FGGY: variants seen among roughly 807,000 people sequenced by gnomAD.
FGGY encodes the protein FGGY carbohydrate kinase domain-containing protein.
In FGGY, 72 loss-of-function variants were observed where a neutral mutation model predicts 71.3. The ratio of observed to expected loss-of-function variants is 1.01; its 90% CI spans 0.84 to 1.23. The LOEUF is 1.23. FGGY is among the 50% of genes most tolerant of loss of function. The probability of loss-of-function intolerance (pLI) is 0.00; values close to 1 mark genes in which losing one functional copy is unlikely to be tolerated. For missense variants in FGGY, 668 were observed against 682.3 expected (o/e 0.98, Z 0.23); for synonymous variants, 251 against 250.3 (o/e 1.00, Z -0.02).
chr1:59,751,701 C>CCCAAT (rs1430964471), intron 14 of FGGY, among the ~76,000 whole-genome samples: 1 of 152,166 alleles, frequency 6.6e-6, no homozygotes, highest in Non-Finnish European at 1.5e-5. Context: ...TGATTATTTT[C>CCCAAT]CCAATCCTTG....
At chr1:59,346,461 C>G in intron 4 of FGGY, 63 bp downstream of exon 4, 3 of 1,563,024 alleles carry the variant, frequency 1.9e-6, no homozygotes, top group Non-Finnish European at 2.6e-6. Context: ...TACTGTGGAC[C>G]TGTAGGTACC....
intron 14 of FGGY, among the ~76,000 whole-genome samples, chr1:59,750,287 C>T (rs577958778): frequency 6.6e-6 from 1 of 152,132 alleles, no homozygotes; most frequent in East Asian, 1.9e-4. Context: ...AATTAGAGGA[C>T]TGGGCGTCTA....
chr1:59,641,435 C>A, intron 11 of FGGY: 1 of 1,143,006 alleles, frequency 8.7e-7, no homozygotes, highest in Non-Finnish European at 1.3e-6. Flanking sequence ...CTGTGCTAAA[C>A]CCAGGTAATA....
In FGGY at chr1:59,334,868, GAA is replaced by G. The variant is rs2049171515; in HGVS notation, c.202-5089_202-5088del. On this transcript the variant is annotated intron_variant, in intron 2 of 15. Coordinates refer to ENST00000303721, the MANE Select transcript of FGGY (RefSeq NM_018291.5). ...ACCATAGAAACAAAAATAAAAAATA[GAA>G]TTAATCGATAAATCTATTATTCTAC... Among the ~76,000 whole-genome samples the G allele has an allele frequency of 2.0e-5, 3 of 152,136 alleles. No individual in the cohort carries two copies. In the South Asian group the frequency reaches 6.2e-4, roughly 31 times the overall value.
At chr1:59,620,971 T>C (rs1289586374) in intron 9 of FGGY, among the ~76,000 whole-genome samples, 3 of 152,088 alleles carry the variant, frequency 2.0e-5, no homozygotes, top group Non-Finnish European at 4.4e-5. Context: ...ACAACAGACA[T>C]TTATTTCCTT....
intron 4 of FGGY, among the ~76,000 whole-genome samples, chr1:59,346,808 A>G (rs531073374): frequency 6.6e-5 from 10 of 152,130 alleles, no homozygotes; most frequent in Admixed American, 4.6e-4. Flanking sequence ...TTTTTTTTTA[A>G]TTTTAAAATG....
chr1:59,589,192 A>G (rs2096376269), intron 8 of FGGY, among the ~76,000 whole-genome samples: 1 of 151,936 alleles, frequency 6.6e-6, no homozygotes, highest in South Asian at 2.1e-4. Flanking sequence ...AGAGACAAAG[A>G]AGGCCATTAA....
intron 1 of FGGY, chr1:59,315,635 T>C (rs2045304041): frequency 6.6e-6 from 1 of 152,170 alleles, no homozygotes; most frequent in African/African-American, 2.4e-5. Flanking sequence ...ATTCAGGGAA[T>C]GGATTCCCTG....
intron 5 of FGGY, among the ~76,000 whole-genome samples, chr1:59,427,811 G>A (rs2153455065): frequency 6.6e-6 from 1 of 152,306 alleles, no homozygotes; most frequent in South Asian, 2.1e-4. Flanking sequence ...AACACTGCAT[G>A]AGGAGTTAGG....
At chr1:59,652,804 G>C (rs1025298006) in intron 11 of FGGY, among the ~76,000 whole-genome samples, 2 of 152,132 alleles carry the variant, frequency 1.3e-5, no homozygotes, top group African/African-American at 4.8e-5. Context: ...GAGGAACTGC[G>C]TTCCTTTGGA....
intron 10 of FGGY, among the ~76,000 whole-genome samples, chr1:59,629,079 T>A (rs1007632453): frequency 6.6e-6 from 1 of 151,630 alleles, no homozygotes; most frequent in Admixed American, 6.6e-5. Context: ...GATGGGGGGA[T>A]AGGGGAGGGA....
chr1:59,607,651 G>A, intron 8 of FGGY, 152 bp from the exon 9 acceptor site: 1 of 543,556 alleles, frequency 1.8e-6, no homozygotes, highest in Non-Finnish European at 3.3e-6. Context: ...AAAAAAAGGA[G>A]CCATGGCCTT....
At chr1:59,682,774 A>G (rs1268168857) in intron 14 of FGGY, among the ~76,000 whole-genome samples, 5 of 152,218 alleles carry the variant, frequency 3.3e-5, no homozygotes, top group Non-Finnish European at 7.3e-5. Flanking sequence ...GAGACATTCA[A>G]CTGAGTCACC....
chr1:59,616,439 C>T (rs889903676), intron 9 of FGGY, among the ~76,000 whole-genome samples: 16 of 152,060 alleles, frequency 1.1e-4, no homozygotes, highest in Non-Finnish European at 4.4e-5. Flanking sequence ...AGTGAGAACA[C>T]ATGGACACAG....
chr1:59,304,165 T>C (rs1311817851), intron 1 of FGGY, among the ~76,000 whole-genome samples: 1 of 152,144 alleles, frequency 6.6e-6, no homozygotes, highest in Admixed American at 6.5e-5. Flanking sequence ...AAGACCAATG[T>C]CGAGGAGTTT....
intron 14 of FGGY, among the ~76,000 whole-genome samples, chr1:59,735,260 C>T (rs1350926820): frequency 4.6e-5 from 7 of 152,180 alleles, no homozygotes; most frequent in Non-Finnish European, 7.3e-5. Context: ...CATAGACAAG[C>T]CCTCTGAGGT....
intron 7 of FGGY, among the ~76,000 whole-genome samples, chr1:59,535,965 C>G (rs1318964273): frequency 2.0e-5 from 3 of 148,044 alleles, no homozygotes; most frequent in Admixed American, 1.3e-4. Flanking sequence ...TAGCAGAAGG[C>G]AAGAAATAAC....
intron 6 of FGGY, among the ~76,000 whole-genome samples, chr1:59,467,728 A>G (rs1161899166): frequency 6.6e-6 from 1 of 152,188 alleles, no homozygotes; most frequent in Non-Finnish European, 1.5e-5. Flanking sequence ...GATTTCCTCC[A>G]TCCCTATGAG....
intron 5 of FGGY, among the ~76,000 whole-genome samples, chr1:59,443,003 G>C (rs1017193352): frequency 6.6e-6 from 1 of 152,104 alleles, no homozygotes; most frequent in South Asian, 2.1e-4. Flanking sequence ...GAGCAGTTTA[G>C]GATTTTTAGT....
Sources: allele counts gnomAD v4.1 joint callset (sites outside exome capture counted in the v4.1 genomes callset), GRCh38; gene constraint gnomAD v4.1.1; transcripts MANE v1.5; gene names NCBI Gene and HGNC (gene_info 2026-07-23, HGNC 2026-07-21).